Variants in ARSD observed in about 807,000 individuals in gnomAD.
ARSD encodes the protein arylsulfatase D.
ARSD carries 21 observed loss-of-function variants against 32.6 expected under a neutral mutation model. The ratio of observed to expected loss-of-function variants is 0.64; its 90% confidence interval spans 0.46 to 0.93. The LOEUF (loss-of-function observed/expected upper bound fraction) is 0.93, where lower values mean the gene tolerates loss of function less well. Ranked by LOEUF, ARSD falls within the 40% of genes least tolerant of loss-of-function variation. ARSD has a pLI of 0.00. For missense variants in ARSD, 454 were observed against 520.9 expected (o/e 0.87, Z 1.25); for synonymous variants, 224 against 237.4 (o/e 0.94, Z 0.52).
rs777983306 is a variant in ARSD, at chrX:2,909,899, G to A, written c.1216C>T (p.Arg406Ter). Reference protein sequence around the residue: ...FHWPGVLPAGRVIGEPTSLMD... With the variant: ...FHWPGVLPAG The stretch of plus-strand genomic sequence containing the variant: ...AGGCTCGTGGGCTCTCCAATCACTC[G>A]GCCGGCCGGGAGCACCCCCGGCCAG... The change falls in exon 8 of 10, where the codon CGA (arginine) becomes TGA (stop). Residue 406 changes from arginine to a stop codon, truncating the protein, a stop_gained. Transcript: ENST00000381154. LOFTEE classifies it high-confidence loss of function. 6.5e-5 allele frequency: 79 copies of A among 1,208,033 alleles called. 1 individual carries two copies. The Admixed American group carries it at 1.4e-3, about 21-fold the overall frequency.
chrX:2,912,784 G>A (rs1367781522), intron 6 of ARSD, among the ~76,000 whole-genome samples: 1 of 111,676 alleles, frequency 9.0e-6, no homozygotes, highest in Admixed American at 9.6e-5. Flanking sequence ...GCATCTATGG[G>A]CATTGGCGTA....
chrX:2,914,786 T>C (rs758247453), intron 6 of ARSD: 6 of 1,023,871 alleles, frequency 5.9e-6, no homozygotes, highest in Admixed American at 5.0e-5. Context: ...GTGTAGAAGG[T>C]TGATTTTGTG....
At chrX:2,922,624 C>T (rs1319809329) in intron 2 of ARSD, among the ~76,000 whole-genome samples, 7 of 108,961 alleles carry the variant, frequency 6.4e-5, no homozygotes, top group African/African-American at 2.3e-4. Flanking sequence ...CACTTGAGGT[C>T]AGGAGTTCAA....
intron 3 of ARSD, among the ~76,000 whole-genome samples, chrX:2,921,047 C>T (rs1253305901): frequency 2.7e-5 from 3 of 111,295 alleles, no homozygotes; most frequent in African/African-American, 9.8e-5. Flanking sequence ...TGCGTGGAGC[C>T]GAGTGATGCT....
chrX:2,915,437 G>A (rs2088947677), intron 6 of ARSD, 119 bp downstream of exon 6: 21 of 1,051,549 alleles, frequency 2.0e-5, no homozygotes, highest in Non-Finnish European at 2.7e-5. Flanking sequence ...TTACAGGCGT[G>A]AGCCACCGCC....
chrX:2,914,561 C>T, intron 6 of ARSD: 4 of 1,006,153 alleles, frequency 4.0e-6, no homozygotes, highest in Non-Finnish European at 5.2e-6. Flanking sequence ...ACTTTTAAGA[C>T]TGTGAACTCT....
At chrX:2,918,713 C>T (rs2089000193) in intron 4 of ARSD, among the ~76,000 whole-genome samples, 1 of 110,241 alleles carries the variant, frequency 9.1e-6, no homozygotes, top group Non-Finnish European at 1.9e-5. Flanking sequence ...GCACTCCAGC[C>T]TGGGCGACAG....
intron 1 of ARSD, among the ~76,000 whole-genome samples, chrX:2,926,371 C>T: frequency 8.9e-6 from 1 of 111,799 alleles, no homozygotes; most frequent in Non-Finnish European, 1.9e-5. Flanking sequence ...TTGTTTAATC[C>T]TAAATGGGTC....
At chrX:2,909,754 A>T (rs2088885801) in intron 8 of ARSD, 63 bp downstream of exon 8, 3 of 658,051 alleles carry the variant, frequency 4.6e-6, no homozygotes, top group African/African-American at 6.2e-5. Context: ...CTATTGAAAT[A>T]AAAAAAAAAA....
At chrX:2,916,703 T>A (rs1482527385) in intron 5 of ARSD, among the ~76,000 whole-genome samples, 2 of 109,180 alleles carry the variant, frequency 1.8e-5, no homozygotes, top group African/African-American at 6.7e-5. Flanking sequence ...AGATAGAGAA[T>A]AGAATGATAG....
At chrX:2,909,451 T>G (rs770598544) in intron 8 of ARSD, among the ~76,000 whole-genome samples, 7 of 111,405 alleles carry the variant, frequency 6.3e-5, no homozygotes, top group African/African-American at 2.0e-4. Context: ...CCTCCCAAAG[T>G]GCTAGGATTA....
chrX:2,916,190 G>A (rs2088958326), intron 5 of ARSD, among the ~76,000 whole-genome samples: 1 of 101,399 alleles, frequency 9.9e-6, no homozygotes, highest in African/African-American at 3.7e-5. Context: ...ATACTATTCA[G>A]CCATAAAAAA....
chrX:2,914,237 T>C, intron 6 of ARSD: 3 of 712,377 alleles, frequency 4.2e-6, no homozygotes, highest in Non-Finnish European at 3.3e-6. Context: ...TTTTATTTCT[T>C]TTTTTTTTTG....
chrX:2,925,997 G>C (rs753968755), intron 1 of ARSD, among the ~76,000 whole-genome samples: 1 of 111,954 alleles, frequency 8.9e-6, no homozygotes, highest in Non-Finnish European at 1.9e-5. Flanking sequence ...AATTGGGAAA[G>C]AAGAGAGTTT....
Position 2,910,681 on chromosome X carries a change from C to T in ARSD, c.1113G>A (p.Gly371=), listed in dbSNP as rs1308729446. 21 of 1,210,308 alleles carry T rather than the reference C, an allele frequency of 1.7e-5. No homozygotes were observed. Among genetic ancestry groups the T allele is most frequent in the Non-Finnish European group, 2.2e-5 (20 of 895,338 alleles). Reference sequence around the variant, plus strand: ...CACCTTTGTAAATTCCGTTCCATCCCCCTAACTGGCTGTGTCCATCTCTTG... The same window carrying T: ...CACCTTTGTAAATTCCGTTCCATCCTCCTAACTGGCTGTGTCCATCTCTTG... ...LEARDGHSQL[G]GWNGIYKGGK... is the part of the protein sequence containing the mutation. The change falls in exon 7 of 10, where the codon GGG becomes GGA. Residue 371 remains glycine (G), a synonymous_variant. Transcript: ENST00000381154.
At chrX:2,926,312 A>C (rs2089082251) in intron 1 of ARSD, among the ~76,000 whole-genome samples, 1 of 111,512 alleles carries the variant, frequency 9.0e-6, no homozygotes, top group Non-Finnish European at 1.9e-5. Context: ...GTCCCCAACA[A>C]AGCTTGTTTG....
chrX:2,929,160 C>G (rs770919506), intron 1 of ARSD, 72 bp downstream of exon 1: 87 of 956,439 alleles, frequency 9.1e-5, no homozygotes, highest in Middle Eastern at 6.6e-4. Flanking sequence ...CGCCCCTCGC[C>G]GTGCTCGCGA....
At chrX:2,909,576 C>T (rs1335550717) in intron 8 of ARSD, among the ~76,000 whole-genome samples, 2 of 104,811 alleles carry the variant, frequency 1.9e-5, no homozygotes, top group South Asian at 4.5e-4. Context: ...CCCAGCTACT[C>T]GGGAGGCTGA....
chrX:2,913,886 G>A (rs1029922694), intron 6 of ARSD: 51 of 341,474 alleles, frequency 1.5e-4, no homozygotes, highest in Admixed American at 3.0e-4. Flanking sequence ...GCTGCGGAGG[G>A]AGTAGCTTCT....
Sources: allele counts gnomAD v4.1 joint callset (sites outside exome capture counted in the v4.1 genomes callset), GRCh38; gene constraint gnomAD v4.1.1; transcripts MANE v1.5; gene names NCBI Gene and HGNC (gene_info 2026-07-23, HGNC 2026-07-21).